Variants in HIVEP3 observed in about 807,000 individuals in gnomAD.
HIVEP3 encodes transcription factor HIVEP3.
A neutral mutation model predicts 152.8 loss-of-function variants in HIVEP3; 49 were observed. The ratio of observed to expected loss-of-function variants is 0.32; its 90% CI spans 0.26 to 0.41. The LOEUF is 0.41. HIVEP3 is among the 10% of genes least tolerant of loss of function. The pLI is 1.00. For missense variants in HIVEP3, 2,790 were observed against 3,103.3 expected (o/e 0.90, Z 2.40); for synonymous variants, 1,269 against 1,289.0 (o/e 0.98, Z 0.33).
chr1:41,605,202 G>A (rs1039277660), intron 3 of HIVEP3, among the ~76,000 whole-genome samples: 4 of 148,500 alleles, frequency 2.7e-5, no homozygotes, highest in South Asian at 2.2e-4. Context: ...GAAGGGAAGG[G>A]AGGAAAGGAA....
intron 1 of HIVEP3, among the ~76,000 whole-genome samples, chr1:41,896,235 C>T (rs1644525275): frequency 6.6e-6 from 1 of 152,198 alleles, no homozygotes. Context: ...CAAAGTAAAA[C>T]TCTCAATACA....
chr1:41,872,440 T>C (rs973172639), intron 1 of HIVEP3, among the ~76,000 whole-genome samples: 8 of 152,194 alleles, frequency 5.3e-5, no homozygotes, highest in African/African-American at 1.9e-4. Context: ...TGTCTACCTA[T>C]TAAGCTAGGT....
intron 1 of HIVEP3, among the ~76,000 whole-genome samples, chr1:41,935,670 C>A (rs1645016734): frequency 2.0e-5 from 3 of 150,178 alleles, no homozygotes; most frequent in Admixed American, 6.6e-5. Flanking sequence ...GTAAAATATT[C>A]TTTTCTTTCC....
chr1:41,620,134 AC>A, intron 3 of HIVEP3, among the ~76,000 whole-genome samples: 1 of 152,084 alleles, frequency 6.6e-6, no homozygotes, highest in South Asian at 2.1e-4. Flanking sequence ...CACTGAAACG[AC>A]CCCAGGGAGG....
chr1:41,644,431 A>T (rs1645426681), intron 2 of HIVEP3, among the ~76,000 whole-genome samples: 1 of 152,120 alleles, frequency 6.6e-6, no homozygotes, highest in South Asian at 2.1e-4. Context: ...AAACCTGAAC[A>T]AGTCTGTCTC....
At chr1:41,624,582 C>T (rs1021334563) in intron 3 of HIVEP3, among the ~76,000 whole-genome samples, 1 of 152,140 alleles carries the variant, frequency 6.6e-6, no homozygotes, top group Non-Finnish European at 1.5e-5. Flanking sequence ...ACTCTATATG[C>T]GTACACAAAA....
intron 1 of HIVEP3, among the ~76,000 whole-genome samples, chr1:41,768,121 C>T (rs1648127314): frequency 6.6e-6 from 1 of 152,212 alleles, no homozygotes; most frequent in Non-Finnish European, 1.5e-5. Context: ...TGTATTAGTT[C>T]ATTTTCACGC....
At chr1:41,690,978 C>G (rs564592327) in intron 2 of HIVEP3, among the ~76,000 whole-genome samples, 2 of 152,286 alleles carry the variant, frequency 1.3e-5, no homozygotes, top group South Asian at 4.1e-4. Context: ...TTCCTGGGTT[C>G]AAATCTGGGC....
At chr1:41,750,238 G>A (rs569950513) in intron 1 of HIVEP3, among the ~76,000 whole-genome samples, 3 of 152,254 alleles carry the variant, frequency 2.0e-5, no homozygotes, top group South Asian at 4.1e-4. Context: ...ACAACACCTC[G>A]CCAGATCCAC....
chr1:41,900,655 T>A (rs543996671), intron 1 of HIVEP3, among the ~76,000 whole-genome samples: 4 of 151,964 alleles, frequency 2.6e-5, no homozygotes, highest in African/African-American at 9.7e-5. Context: ...TGGTGGTATC[T>A]TTCACCCCAC....
chr1:41,655,222 C>T (rs1362911036), intron 2 of HIVEP3, among the ~76,000 whole-genome samples: 24 of 152,208 alleles, frequency 1.6e-4, no homozygotes, highest in Admixed American at 1.6e-3. Context: ...TTCAGTTCTA[C>T]ACTTCCTTTA....
intron 1 of HIVEP3, among the ~76,000 whole-genome samples, chr1:41,946,155 G>A (rs1355456038): frequency 2.0e-5 from 3 of 152,210 alleles, no homozygotes; most frequent in African/African-American, 7.2e-5. Flanking sequence ...CTACAAGGAC[G>A]CTTTAGAAAA....
In HIVEP3 at chr1:41,956,929, G is replaced by C. The variant is rs113713513; in HGVS notation, n.120-38405C>G. Among the ~76,000 whole-genome samples the C allele has an allele frequency of 8.2e-3, 1,249 of 152,146 alleles. 19 individuals carry two copies. Among genetic ancestry groups the C allele is most frequent in the African/African-American group, 0.029 (1,205 of 41,514 alleles). ...GAGTGGACAAGAAGTGAATTGCTTGGGTGGTCTAAAAGACCTTAGGATGGG... is the reference window on the plus strand; with the variant it reads ...GAGTGGACAAGAAGTGAATTGCTTGCGTGGTCTAAAAGACCTTAGGATGGG... On this transcript the variant is annotated intron_variant and non_coding_transcript_variant, in intron 1 of 3. Transcript: ENST00000489103.
rs149999210 is a variant in HIVEP3, at chr1:41,904,291, T to C, written c.-801+14122A>G. On this transcript the variant is annotated intron_variant, in intron 1 of 8. Coordinates refer to ENST00000372583, the MANE Select transcript of HIVEP3 (RefSeq NM_024503.5). Reference sequence around the variant, plus strand: ...CTTTAACTGTGCCTCCCCACACAGCTTGGTGACCCCGGGCCAGTGACTTTG... The same window carrying C: ...CTTTAACTGTGCCTCCCCACACAGCCTGGTGACCCCGGGCCAGTGACTTTG... Among the ~76,000 whole-genome samples, 620 of 152,238 alleles carry C rather than the reference T, an allele frequency of 4.1e-3. 7 individuals are homozygous for C. The highest frequency in any genetic ancestry group is 0.015 in the African/African-American group (604 of 41,526).
intron 1 of HIVEP3, among the ~76,000 whole-genome samples, chr1:41,845,073 T>A (rs771931306): frequency 7.9e-5 from 12 of 152,194 alleles, no homozygotes; most frequent in Non-Finnish European, 1.6e-4. Flanking sequence ...CTCCTTCGCA[T>A]CTATGCTCAT....
chr1:41,993,447 G>C (rs1340257826), intron 1 of HIVEP3, among the ~76,000 whole-genome samples: 3 of 150,682 alleles, frequency 2.0e-5, no homozygotes, highest in Non-Finnish European at 4.5e-5. Context: ...AAACCACAAT[G>C]AGATACCATC....
chr1:41,838,151 A>G (rs901923210), intron 1 of HIVEP3, among the ~76,000 whole-genome samples: 3 of 152,164 alleles, frequency 2.0e-5, no homozygotes, highest in African/African-American at 4.8e-5. Context: ...TTGTAGATTC[A>G]CACAGAGTTG....
chr1:41,733,112 G>T (rs1207293916), intron 1 of HIVEP3, among the ~76,000 whole-genome samples: 1 of 152,116 alleles, frequency 6.6e-6, no homozygotes, highest in Non-Finnish European at 1.5e-5. Flanking sequence ...TTTTCATGCT[G>T]GTCCCTGATA....
chr1:41,950,219 C>A (rs1645098566), intron 1 of HIVEP3, among the ~76,000 whole-genome samples: 1 of 152,176 alleles, frequency 6.6e-6, no homozygotes, highest in Non-Finnish European at 1.5e-5. Context: ...AGGATATAAA[C>A]CCAGGCATTC....
Sources: gnomAD v4.1 joint callset for allele counts (sites outside exome capture counted in the v4.1 genomes callset) on GRCh38, gnomAD v4.1.1 for gene constraint, MANE v1.5 for transcripts, NCBI Gene and HGNC (gene_info 2026-07-23, HGNC 2026-07-21) for gene names.